Variants in SOS2 observed in about 807,000 individuals in gnomAD.
SOS2 encodes the protein son of sevenless homolog 2.
Under a neutral mutation model 148.2 loss-of-function variants are expected in SOS2, and 65 were observed. That is an observed-to-expected ratio of 0.44 (90% CI 0.36 to 0.54). The LOEUF (loss-of-function observed/expected upper bound fraction) is 0.54, where lower values mean the gene tolerates loss of function less well. Ranked by LOEUF, SOS2 falls within the 20% of genes least tolerant of loss-of-function variation. The pLI, the probability that SOS2 is intolerant of heterozygous loss-of-function variation, is 0.00. For missense variants in SOS2, 1,341 were observed against 1,590.2 expected (o/e 0.84, Z 2.67); for synonymous variants, 539 against 537.1 (o/e 1.00, Z -0.05).
chr14:50,174,476 C>A lies in SOS2; in HGVS notation c.1046G>T (p.Trp349Leu). 6.2e-7 allele frequency: 1 copy of A among 1,604,848 alleles called. No homozygotes were observed. The highest frequency in any genetic ancestry group is 8.5e-7 in the Non-Finnish European group (1 of 1,173,458). Residue 349 changes from tryptophan to leucine, a missense_variant, in exon 8 of 23, where the codon TGG (tryptophan) becomes TTG (leucine). Physicochemically the swap from Trp to Leu is moderately conservative, Grantham distance 61. This residue lies in a region of SOS2 where 574 missense variants were observed against 711.1 expected (regional missense o/e 0.81). Coordinates refer to ENST00000216373, the MANE Select transcript of SOS2 (RefSeq NM_006939.4). The stretch of plus-strand genomic sequence containing the variant: ...TACCTTTAGTAACTCAAAGTAGTGC[C>A]AACAGTGATACACTGGCACCAGCAT... ...RLMLVPVYHC[W>L]HYFELLKQLK...
At chr14:50,204,674 ATAAACTATTC>A (rs921592917) in intron 1 of SOS2, among the ~76,000 whole-genome samples, 2 of 152,216 alleles carry the variant, frequency 1.3e-5, no homozygotes, top group Non-Finnish European at 2.9e-5. Context: ...GCATATACAC[ATAAACTATTC>A]TATACAATTT....
chr14:50,124,551 G>C (rs973676596), intron 21 of SOS2, among the ~76,000 whole-genome samples: 1 of 152,098 alleles, frequency 6.6e-6, no homozygotes, highest in African/African-American at 2.4e-5. Context: ...GTTGTATTCA[G>C]ATTCCAAAAG....
intron 4 of SOS2, among the ~76,000 whole-genome samples, chr14:50,189,061 T>TCACACACACACACA (rs10599812): frequency 7.8e-4 from 101 of 128,772 alleles, no homozygotes; most frequent in Admixed American, 2.1e-3. Flanking sequence ...CGAGACTCCA[T>TCACACACACACACA]CACACACACA....
At position 50,145,303 on chromosome 14, in the gene SOS2, T is replaced by G. The variant is rs1884432979; in HGVS notation, c.2534A>C (p.Glu845Ala). 1 of 1,602,116 alleles carries G rather than the reference T, an allele frequency of 6.2e-7. No homozygotes were observed. The highest frequency in any genetic ancestry group is 1.3e-5 in the African/African-American group (1 of 74,142). ...AATTCTACTTAGTACTGCCACCCGT[T>G]CTTCAAAATTTTCTGCTTCCACAAT... is the stretch of plus-strand genomic sequence containing the variant. Reference protein sequence around the residue: ...KCIVEAENFEERVAVLSRIIE... With the variant: ...KCIVEAENFEARVAVLSRIIE... Residue 845 changes from glutamate to alanine, a missense_variant, in exon 16 of 23, where the codon GAA becomes GCA. By Grantham distance (107) the Glu-to-Ala change is moderately radical. Coordinates refer to ENST00000216373, the MANE Select transcript of SOS2 (RefSeq NM_006939.4).
chr14:50,206,126 T>G (rs1420110807), intron 1 of SOS2, among the ~76,000 whole-genome samples: 4 of 152,176 alleles, frequency 2.6e-5, no homozygotes, highest in Admixed American at 2.6e-4. Context: ...TGTTTTATAT[T>G]TCATTTATTT....
chr14:50,137,561 AT>A (rs1316336223), intron 18 of SOS2, among the ~76,000 whole-genome samples: 6 of 152,350 alleles, frequency 3.9e-5, no homozygotes, highest in Admixed American at 3.9e-4. Context: ...AATGTTTAAC[AT>A]GCTATCTACT....
chr14:50,195,148 G>A (rs1321733872), intron 4 of SOS2, among the ~76,000 whole-genome samples: 3 of 152,102 alleles, frequency 2.0e-5, no homozygotes, highest in African/African-American at 4.8e-5. Context: ...TAACATAATG[G>A]TACTTCATGT....
rs58543605 is a variant in SOS2, at chr14:50,133,992, T to C, written c.3075+131A>G. 1.6e-3 allele frequency: 1,071 copies of C among 658,452 alleles called. 6 individuals are homozygous for C. The highest frequency in any genetic ancestry group is 0.016 in the African/African-American group (848 of 54,008). The allele number at this position is 658,452 out of a possible 1,614,324, so 40.8% of individuals were successfully genotyped here. ...ACATTTCCCCCCCCAGTTTTAGAAA[T>C]AGTATATTACTGCAAACAAAACACC... On this transcript the variant is annotated intron_variant, in intron 19 of 22. Coordinates refer to ENST00000216373, the MANE Select transcript of SOS2 (RefSeq NM_006939.4).
intron 18 of SOS2, among the ~76,000 whole-genome samples, chr14:50,138,089 C>T (rs1884142996): frequency 6.6e-6 from 1 of 152,114 alleles, no homozygotes; most frequent in Non-Finnish European, 1.5e-5. Context: ...GGTCCTCCCG[C>T]CTCAGCCTCC....
At chr14:50,129,860 T>C (rs1352808635) in intron 21 of SOS2, 101 bp downstream of exon 21, 5 of 679,196 alleles carry the variant, frequency 7.4e-6, no homozygotes, top group Non-Finnish European at 1.0e-5. Context: ...ATAACTTTTC[T>C]TGTTCTTTAA....
At chr14:50,155,332 T>C (rs921702759) in intron 12 of SOS2, among the ~76,000 whole-genome samples, 2 of 152,170 alleles carry the variant, frequency 1.3e-5, no homozygotes, top group Non-Finnish European at 2.9e-5. Flanking sequence ...TCTCATCTAC[T>C]ACTTGCAATA....
Position 50,117,508 on chromosome 14 carries a change from G to A in SOS2, c.*836C>T, listed in dbSNP as rs768431500. The A allele has an allele frequency of 6.6e-6, 1 of 152,164 alleles. No individual in the cohort carries two copies. Among genetic ancestry groups the A allele is most frequent in the African/African-American group, 2.4e-5 (1 of 41,432 alleles). 9.4% of individuals were successfully genotyped at this position (152,164 alleles called of 1,614,324 possible). On this transcript the variant is annotated 3_prime_UTR_variant, in exon 23 of 23. Coordinates refer to ENST00000216373, the MANE Select transcript of SOS2 (RefSeq NM_006939.4). ...TTTTTTGAATTTATGAATTAGTAAA[G>A]TAGCAGATTGTATTATAGGCCTCAA...
rs1318218554 is a variant in SOS2 at position 50,118,866 on chromosome 14, AG to A, written c.3490-14del. Reference sequence around the variant, plus strand: ...ATTTCATATTTCCCTCAAAAAAAAAAGTAATTAAATTATACCTCTATTCTGA... The same window carrying A: ...ATTTCATATTTCCCTCAAAAAAAAAATAATTAAATTATACCTCTATTCTGA... On this transcript the variant is annotated splice_polypyrimidine_tract_variant and intron_variant, in intron 22 of 22. Coordinates refer to ENST00000216373, the MANE Select transcript of SOS2 (RefSeq NM_006939.4). 1 of 1,436,912 alleles carries A rather than the reference AG, an allele frequency of 7.0e-7. No homozygotes were observed. The highest frequency in any genetic ancestry group is 1.6e-5 in the South Asian group (1 of 62,896). 89.0% of individuals were successfully genotyped at this position (1,436,912 alleles called of 1,614,324 possible). A position where few individuals can be genotyped will look rare whatever the true frequency, so the allele number is the denominator to read the frequency against.
In SOS2 at chr14:50,145,407, C is replaced by T. The variant is rs566426386; in HGVS notation, c.2504+70G>A. The stretch of plus-strand genomic sequence containing the variant: ...AGAAAACAAGATAATTATGAGTAGC[C>T]AGAATTTTAGCTTAAATATGACTTA... On this transcript the variant is annotated intron_variant, in intron 15 of 22. Transcript: ENST00000216373. The T allele has an allele frequency of 7.3e-5, 113 of 1,556,598 alleles. No individual in the cohort carries two copies. In the African/African-American group the frequency reaches 1.1e-3, roughly 16 times the overall value.
intron 4 of SOS2, among the ~76,000 whole-genome samples, chr14:50,198,118 GATC>G (rs986542305): frequency 2.0e-5 from 3 of 151,028 alleles, no homozygotes; most frequent in Non-Finnish European, 4.4e-5. Context: ...TTGGTAAAAA[GATC>G]ATTAGGATAT....
intron 18 of SOS2, among the ~76,000 whole-genome samples, chr14:50,134,858 G>A (rs1464490764): frequency 6.6e-6 from 1 of 151,850 alleles, no homozygotes; most frequent in Non-Finnish European, 1.5e-5. Context: ...TGGATCACCT[G>A]AGGTCGGGAG....
At chr14:50,192,547 C>A (rs1279001317) in intron 4 of SOS2, among the ~76,000 whole-genome samples, 2 of 149,614 alleles carry the variant, frequency 1.3e-5, no homozygotes, top group Admixed American at 1.3e-4. Flanking sequence ...AAGAGCAAGA[C>A]CTTGTCTTTA....
chr14:50,225,245 G>C (rs1887333640), intron 1 of SOS2, among the ~76,000 whole-genome samples: 1 of 152,054 alleles, frequency 6.6e-6, no homozygotes, highest in Non-Finnish European at 1.5e-5. Flanking sequence ...ATGAGCTACT[G>C]CACCTGGCCC....
At position 50,212,995 on chromosome 14, in the gene SOS2, C is replaced by T. The variant is rs139611223; in HGVS notation, c.88-8586G>A. 1.9e-4 allele frequency among the ~76,000 whole-genome samples: 29 copies of T among 152,232 alleles called. No homozygotes were observed. The East Asian group carries it at 4.4e-3, about 23-fold the overall frequency. On this transcript the variant is annotated intron_variant, in intron 1 of 22. Transcript: ENST00000216373. ...ATAAGGTCCAAAACTTTATCTCTCA[C>T]GTAGTCTTTCTCATTAACCTTCTGT...
Sources: gnomAD v4.1 joint callset for allele counts (sites outside exome capture counted in the v4.1 genomes callset) on GRCh38, gnomAD v4.1.1 for gene constraint, gnomAD v4.1.1 regional missense constraint, MANE v1.5 for transcripts, NCBI Gene and HGNC (gene_info 2026-07-23, HGNC 2026-07-21) for gene names.